CRPPA: variants seen among roughly 807,000 people sequenced by gnomAD.
CRPPA encodes the protein CDP-L-ribitol pyrophosphorylase A, also known as D-ribitol-5-phosphate cytidylyltransferase.
CRPPA carries 43 observed loss-of-function variants against 52.0 expected under a neutral mutation model. The ratio of observed to expected loss-of-function variants is 0.83; its 90% CI spans 0.65 to 1.07. The LOEUF (loss-of-function observed/expected upper bound fraction) is 1.07, where lower values mean the gene tolerates loss of function less well. Among genes scored for constraint, CRPPA ranks in the 50% least tolerant of loss-of-function variants. The pLI is 0.00. For synonymous variants in CRPPA, 250 were observed against 203.5 expected, an observed-to-expected ratio of 1.23 and a Z score of -1.94; for missense variants, 629 against 551.7, an observed-to-expected ratio of 1.14 and a Z score of -1.40.
Position 16,278,190 on chromosome 7 carries a change from G to T in CRPPA, c.872C>A (p.Thr291Lys), listed in dbSNP as rs764380983. The change falls in exon 6 of 10, where the codon ACA becomes AAA. Residue 291 changes from threonine (T) to lysine (K), a missense_variant. By Grantham distance (78) the Thr-to-Lys change is moderately conservative. Coordinates refer to ENST00000407010, the MANE Select transcript of CRPPA (RefSeq NM_001101426.4). ...ACCTACATGTTTGTTATCTTCTTCT[G>T]TATCCATAACTACACAAATCTCTTG... is the stretch of plus-strand genomic sequence containing the variant. ...ISQEICVVMD[T>K]EEDNKHVGHL... 5.7e-6 allele frequency: 9 copies of T among 1,579,258 alleles called. No individual in the cohort carries two copies. Among genetic ancestry groups the T allele is most frequent in the Non-Finnish European group, 7.8e-6 (9 of 1,156,924 alleles).
intron 2 of CRPPA, among the ~76,000 whole-genome samples, chr7:16,399,594 C>T (rs116407928): frequency 0.02 from 3,033 of 151,958 alleles, 94 homozygotes; most frequent in African/African-American, 0.07. Flanking sequence ...GCGACTTACA[C>T]GATTGGCATG....
chr7:16,267,660 A>C (rs1485621198), intron 6 of CRPPA, among the ~76,000 whole-genome samples: 1 of 152,164 alleles, frequency 6.6e-6, no homozygotes, highest in Non-Finnish European at 1.5e-5. Context: ...TCATTAATTC[A>C]ACTTTTTTCC....
Position 16,308,548 on chromosome 7 carries a change from A to G in CRPPA, c.764T>C (p.Val255Ala), listed in dbSNP as rs2128424716. Reference protein sequence around the residue: ...LKYCCTKAKLVEGSPDLWKVT... With the variant: ...LKYCCTKAKLAEGSPDLWKVT... ...CTTCCAGAGGTCAGGTGATCCTTCT[A>G]CAAGTTTGGCTTTAGTGCAACAGTA... is the stretch of plus-strand genomic sequence containing the variant. Residue 255 changes from valine (V) to alanine (A), a missense_variant, in exon 4 of 10, where the codon GTA (valine) becomes GCA (alanine). Val to Ala is a moderately conservative substitution (Grantham distance 64). Coordinates refer to ENST00000407010, the MANE Select transcript of CRPPA (RefSeq NM_001101426.4). The G allele has an allele frequency of 1.2e-6, 2 of 1,607,690 alleles. No homozygotes were observed. Among genetic ancestry groups the G allele is most frequent in the Non-Finnish European group, 1.7e-6 (2 of 1,175,642 alleles).
chr7:16,406,072 T>G lies in CRPPA; in HGVS notation c.523A>C (p.Lys175Gln). Reference sequence around the variant, plus strand: ...GAAAAAAGACTTACCCCGTGTTCCTTAGCAGCTGTGACAACTTTAAGAAGG... The same window carrying G: ...GAAAAAAGACTTACCCCGTGTTCCTGAGCAGCTGTGACAACTTTAAGAAGG... ...GVLLKVVTAA[K>Q]EHGAAGAIRP... is the part of the protein sequence containing the mutation. Residue 175 changes from lysine (K) to glutamine (Q), a missense_variant, in exon 2 of 10, where the codon AAG becomes CAG. Lys to Gln is a moderately conservative substitution (Grantham distance 53). Coordinates refer to ENST00000407010, the MANE Select transcript of CRPPA (RefSeq NM_001101426.4). The G allele has an allele frequency of 2.5e-6, 4 of 1,613,424 alleles. No homozygotes were observed. The highest frequency in any genetic ancestry group is 2.5e-6 in the Non-Finnish European group (3 of 1,179,542).
intron 3 of CRPPA, among the ~76,000 whole-genome samples, chr7:16,348,601 C>T (rs752606316): frequency 9.2e-5 from 14 of 152,184 alleles, no homozygotes; most frequent in Non-Finnish European, 1.6e-4. Flanking sequence ...ATAAGGGCTA[C>T]GCCCTTTGGG....
intron 3 of CRPPA, among the ~76,000 whole-genome samples, chr7:16,352,008 C>A (rs952712545): frequency 6.6e-6 from 1 of 152,108 alleles, no homozygotes; most frequent in African/African-American, 2.4e-5. Context: ...GACTTGGAAC[C>A]AACCCAAATG....
intron 3 of CRPPA, among the ~76,000 whole-genome samples, chr7:16,349,014 G>C (rs1391941513): frequency 6.6e-6 from 1 of 152,216 alleles, no homozygotes; most frequent in Non-Finnish European, 1.5e-5. Context: ...CCTAGTATCA[G>C]AGGGTGCAGC....
intron 9 of CRPPA, among the ~76,000 whole-genome samples, chr7:16,097,880 T>G (rs1000372575): frequency 6.6e-6 from 1 of 152,204 alleles, no homozygotes; most frequent in Admixed American, 6.5e-5. Flanking sequence ...AAATTACTAA[T>G]ATGTAGCACC....
chr7:16,419,928 G>C (rs886797126), intron 1 of CRPPA, among the ~76,000 whole-genome samples: 10 of 152,056 alleles, frequency 6.6e-5, no homozygotes, highest in Non-Finnish European at 1.5e-5. Flanking sequence ...CCAATCTCCC[G>C]CACAGCCGAC....
chr7:16,366,306 C>CGTTA (rs2128310296), intron 3 of CRPPA, among the ~76,000 whole-genome samples: 1 of 152,298 alleles, frequency 6.6e-6, no homozygotes, highest in Non-Finnish European at 1.5e-5. Flanking sequence ...GACGTTCAGA[C>CGTTA]CATAGCAATA....
intron 3 of CRPPA, among the ~76,000 whole-genome samples, chr7:16,325,957 TA>T (rs1785377364): frequency 6.6e-6 from 1 of 150,936 alleles, no homozygotes; most frequent in Non-Finnish European, 1.5e-5. Flanking sequence ...GAACTACTGT[TA>T]AAAACAACCA....
chr7:16,175,227 A>G (rs1781270844), intron 9 of CRPPA, among the ~76,000 whole-genome samples: 1 of 152,198 alleles, frequency 6.6e-6, no homozygotes, highest in African/African-American at 2.4e-5. Flanking sequence ...AGCTTTAAAC[A>G]TAATATAAAC....
chr7:16,295,106 T>C (rs1357290462), intron 5 of CRPPA, among the ~76,000 whole-genome samples: 3 of 152,102 alleles, frequency 2.0e-5, no homozygotes, highest in Non-Finnish European at 4.4e-5. Context: ...TAAAAGTATA[T>C]TTAGCTACTT....
chr7:16,131,034 G>C (rs548072746), intron 9 of CRPPA, among the ~76,000 whole-genome samples: 37 of 152,298 alleles, frequency 2.4e-4, no homozygotes, highest in African/African-American at 7.9e-4. Flanking sequence ...CCTTCACCTT[G>C]AACTTGCCAG....
chr7:16,257,264 G>A (rs1476677602), intron 8 of CRPPA, among the ~76,000 whole-genome samples: 4 of 152,126 alleles, frequency 2.6e-5, no homozygotes, highest in South Asian at 4.1e-4. Context: ...CTGGGAACAC[G>A]GAAAAATGAA....
intron 2 of CRPPA, among the ~76,000 whole-genome samples, chr7:16,378,357 G>A (rs1453757260): frequency 2.0e-4 from 30 of 146,728 alleles, no homozygotes; most frequent in Non-Finnish European, 3.9e-4. Flanking sequence ...GAGAACATGC[G>A]GTGTTTGGTT....
rs137941269 is a variant in CRPPA, at chr7:16,089,087, C to G, written c.*2608G>C. 4.5e-6 allele frequency: 1 copy of G among 223,634 alleles called. No individual in the cohort carries two copies. Among genetic ancestry groups the G allele is most frequent in the Non-Finnish European group, 9.8e-6 (1 of 101,554 alleles). 13.9% of individuals were successfully genotyped at this position (223,634 alleles called of 1,614,324 possible). On this transcript the variant is annotated 3_prime_UTR_variant, in exon 10 of 10. Coordinates refer to ENST00000407010, the MANE Select transcript of CRPPA (RefSeq NM_001101426.4). Reference sequence around the variant, plus strand: ...GCAAGGTAACTAAGATCCCTGAGCTCCAATTTCCTCATGAAAATAGTGAAG... The same window carrying G: ...GCAAGGTAACTAAGATCCCTGAGCTGCAATTTCCTCATGAAAATAGTGAAG...
chr7:16,412,700 G>C (rs183853966), intron 1 of CRPPA, among the ~76,000 whole-genome samples: 6 of 152,226 alleles, frequency 3.9e-5, no homozygotes, highest in Admixed American at 1.3e-4. Flanking sequence ...TCAAATATTT[G>C]CTGAATAAAG....
At chr7:16,096,456 A>T (rs1420345405) in intron 9 of CRPPA, among the ~76,000 whole-genome samples, 2 of 152,180 alleles carry the variant, frequency 1.3e-5, no homozygotes, top group African/African-American at 4.8e-5. Flanking sequence ...ATCTATAATA[A>T]AGAGAATTTT....
Sources: gnomAD v4.1 joint callset for allele counts (sites outside exome capture counted in the v4.1 genomes callset) on GRCh38, gnomAD v4.1.1 for gene constraint, MANE v1.5 for transcripts, NCBI Gene and HGNC (gene_info 2026-07-23, HGNC 2026-07-21) for gene names.